The following NDST4 variants were observed in gnomAD, a reference collection of about 807,000 sequenced individuals.
The protein encoded by NDST4 is N-heparan sulfate sulfotransferase 4.
In NDST4, 63 loss-of-function variants were observed where a neutral mutation model predicts 100.8. That is an observed-to-expected ratio of 0.62 (90% confidence interval 0.51 to 0.77). The LOEUF is 0.77. Ranked by LOEUF, NDST4 falls within the 30% of genes least tolerant of loss-of-function variation. The pLI is 0.00. For missense variants in NDST4, 943 were observed against 1,018.4 expected (o/e 0.93, Z 1.01); for synonymous variants, 377 against 361.8 (o/e 1.04, Z -0.48).
intron 4 of NDST4, among the ~76,000 whole-genome samples, chr4:114,948,151 G>T (rs1725910134): frequency 6.6e-6 from 1 of 151,922 alleles, no homozygotes; most frequent in South Asian, 2.1e-4. Context: ...TATTATTTTT[G>T]ATTCAAGCTG....
chr4:114,909,669 CAAAAAAA>C (rs773267929), intron 6 of NDST4, among the ~76,000 whole-genome samples: 1 of 61,684 alleles, frequency 1.6e-5, no homozygotes, highest in Non-Finnish European at 3.2e-5. Context: ...GACTCCGTCT[CAAAAAAA>C]AAAAAAAAAA....
chr4:114,993,998 G>A (rs1453743199), intron 2 of NDST4, among the ~76,000 whole-genome samples: 3 of 151,832 alleles, frequency 2.0e-5, no homozygotes, highest in Admixed American at 6.6e-5. Context: ...AGACATTGAT[G>A]CCATATTGTT....
At chr4:114,943,039 A>T (rs1725783841) in intron 4 of NDST4, among the ~76,000 whole-genome samples, 1 of 147,352 alleles carries the variant, frequency 6.8e-6, no homozygotes. Flanking sequence ...TTTAAATTAT[A>T]TTATATGATA....
intron 6 of NDST4, among the ~76,000 whole-genome samples, chr4:114,889,397 G>A (rs570933276): frequency 2.2e-4 from 33 of 152,260 alleles, no homozygotes; most frequent in African/African-American, 6.0e-4. Flanking sequence ...ACGAAGAAGT[G>A]GAGAGTAGAC....
At position 114,977,400 on chromosome 4, in the gene NDST4, C is replaced by T. The variant is rs543694208; in HGVS notation, c.979-126G>A. 213 of 588,972 alleles carry T rather than the reference C, an allele frequency of 3.6e-4. 1 individual carries two copies. Among genetic ancestry groups the T allele is most frequent in the South Asian group, 1.1e-3 (52 of 45,748 alleles). 36.5% of individuals were successfully genotyped at this position (588,972 alleles called of 1,614,324 possible). ...TGAGCTTTCTTGTTTTTGATGGGTACTGTTATGTAGTATTCGTATTTCAGG... is the reference window on the plus strand; with the variant it reads ...TGAGCTTTCTTGTTTTTGATGGGTATTGTTATGTAGTATTCGTATTTCAGG... On this transcript the variant is annotated intron_variant, in intron 2 of 13. Transcript: ENST00000264363.
At chr4:115,054,523 A>C (rs1433521508) in intron 2 of NDST4, among the ~76,000 whole-genome samples, 1 of 152,198 alleles carries the variant, frequency 6.6e-6, no homozygotes, top group Non-Finnish European at 1.5e-5. Context: ...TGTTAAATCA[A>C]GAAGAAATAT....
intron 1 of NDST4, among the ~76,000 whole-genome samples, chr4:115,083,315 C>T (rs979049111): frequency 6.6e-6 from 1 of 151,866 alleles, no homozygotes; most frequent in Admixed American, 6.6e-5. Context: ...ACAAATTAGG[C>T]AGGTGCGGTG....
Position 114,927,527 on chromosome 4 carries a change from C to T in NDST4, c.1536+7679G>A, listed in dbSNP as rs552247009. ...AATGATTAGGGGCTTTTCATTATTT[C>T]CTTTTAAATTTCACCCTGTTAGATT... On this transcript the variant is annotated intron_variant, in intron 6 of 13. Coordinates refer to ENST00000264363, the MANE Select transcript of NDST4 (RefSeq NM_022569.3). 2.9e-4 allele frequency among the ~76,000 whole-genome samples: 44 copies of T among 151,676 alleles called. No homozygotes were observed. The Middle Eastern group carries it at 0.01, about 35-fold the overall frequency.
At chr4:115,078,764 C>T (rs1021631267) in intron 1 of NDST4, among the ~76,000 whole-genome samples, 11 of 151,862 alleles carry the variant, frequency 7.2e-5, no homozygotes, top group Non-Finnish European at 1.3e-4. Context: ...TGCTTGAACC[C>T]GGGAGGCGGA....
chr4:114,914,055 T>G (rs1459093202), intron 6 of NDST4, among the ~76,000 whole-genome samples: 1 of 152,074 alleles, frequency 6.6e-6, no homozygotes, highest in East Asian at 1.9e-4. Context: ...CTGGAGGTCA[T>G]TATGCTGAGT....
intron 6 of NDST4, among the ~76,000 whole-genome samples, chr4:114,872,753 A>C (rs1724175671): frequency 6.6e-6 from 1 of 152,028 alleles, no homozygotes; most frequent in South Asian, 2.1e-4. Context: ...CAGATGAAAA[A>C]AAATGAAGCA....
chr4:114,914,501 A>G (rs1257759603), intron 6 of NDST4, among the ~76,000 whole-genome samples: 1 of 152,152 alleles, frequency 6.6e-6, no homozygotes, highest in African/African-American at 2.4e-5. Context: ...GTTAGATACC[A>G]CTGCATTAGA....
chr4:114,899,420 A>T (rs917617758), intron 6 of NDST4, among the ~76,000 whole-genome samples: 1 of 152,002 alleles, frequency 6.6e-6, no homozygotes, highest in African/African-American at 2.4e-5. Context: ...TTCATGATCC[A>T]CCCACCTCGG....
intron 11 of NDST4, among the ~76,000 whole-genome samples, chr4:114,836,102 C>A (rs28773816): frequency 0.015 from 2,350 of 152,258 alleles, 58 homozygotes; most frequent in African/African-American, 0.053. Flanking sequence ...GGGCATTTAA[C>A]CCATTTACAT....
chr4:114,978,301 C>A (rs1216257104), intron 2 of NDST4, among the ~76,000 whole-genome samples: 1 of 151,824 alleles, frequency 6.6e-6, no homozygotes, highest in Non-Finnish European at 1.5e-5. Flanking sequence ...GTCATGGTGG[C>A]TAAGCATTTG....
chr4:114,900,370 A>C (rs1304166803), intron 6 of NDST4, among the ~76,000 whole-genome samples: 1 of 151,934 alleles, frequency 6.6e-6, no homozygotes. Context: ...ATTACTTTAA[A>C]TTTTCTAGTT....
intron 1 of NDST4, among the ~76,000 whole-genome samples, chr4:115,078,903 C>T (rs1264201755): frequency 6.6e-6 from 1 of 151,890 alleles, no homozygotes; most frequent in African/African-American, 2.4e-5. Context: ...TACTGGGATA[C>T]ATAAGCAAAG....
At chr4:115,051,187 A>T (rs1728574042) in intron 2 of NDST4, among the ~76,000 whole-genome samples, 1 of 151,946 alleles carries the variant, frequency 6.6e-6, no homozygotes, top group Admixed American at 6.6e-5. Context: ...TTATGATTTT[A>T]TTCAGTTTTT....
chr4:114,991,511 A>T (rs1218070944), intron 2 of NDST4, among the ~76,000 whole-genome samples: 5 of 152,106 alleles, frequency 3.3e-5, no homozygotes, highest in African/African-American at 1.2e-4. Flanking sequence ...GTATGTGGAC[A>T]CAGCATGTGA....
Sources: gnomAD v4.1 joint callset for allele counts (sites outside exome capture counted in the v4.1 genomes callset) on GRCh38, gnomAD v4.1.1 for gene constraint, MANE v1.5 for transcripts, NCBI Gene and HGNC (gene_info 2026-07-23, HGNC 2026-07-21) for gene names.